Variants in ELN observed in about 807,000 individuals in gnomAD.
The protein encoded by ELN is tropoelastin.
Under a neutral mutation model 105.8 loss-of-function variants are expected in ELN, and 65 were observed. That is an observed-to-expected ratio of 0.61 (90% CI 0.50 to 0.75). The LOEUF (loss-of-function observed/expected upper bound fraction) is 0.75, where lower values mean the gene tolerates loss of function less well. ELN is among the 30% of genes least tolerant of loss of function. The probability of loss-of-function intolerance (pLI) is 0.00; values close to 1 mark genes in which losing one functional copy is unlikely to be tolerated. For synonymous variants in ELN, 368 were observed against 389.2 expected, an observed-to-expected ratio of 0.95 and a Z score of 0.64; for missense variants, 882 against 969.4, an observed-to-expected ratio of 0.91 and a Z score of 1.20.
chr7:74,061,512 T>C (rs1196991940), intron 26 of ELN, among the ~76,000 whole-genome samples: 3 of 149,446 alleles, frequency 2.0e-5, no homozygotes, highest in South Asian at 2.1e-4. Context: ...ATTAGCCAGG[T>C]GTGGTGGCGG....
In ELN at chr7:74,056,296, A is replaced by AGG. The variant is rs1554679591; in HGVS notation, c.1177_1178dup (p.Ile394AlafsTer81). 1 of 1,612,444 alleles carries AGG rather than the reference A, an allele frequency of 6.2e-7. No homozygotes were observed. The highest frequency in any genetic ancestry group is 8.5e-7 in the Non-Finnish European group (1 of 1,178,820). ...GGGCCAGGCCCGGAGTCGGAGTTGG[A>AGG]GGCATTCCTACTTACGGGGTTGGAG... On this transcript the variant is annotated frameshift_variant, in exon 20 of 33. Coordinates refer to ENST00000252034, the MANE Select transcript of ELN (RefSeq NM_000501.4). LOFTEE classifies it high-confidence loss of function.
chr7:74,062,613 C>T (rs563768939), intron 26 of ELN, among the ~76,000 whole-genome samples: 48 of 152,160 alleles, frequency 3.2e-4, no homozygotes, highest in African/African-American at 6.0e-4. Context: ...TGCAGTGGTA[C>T]GATCTTGGCT....
intron 25 of ELN, 143 bp downstream of exon 25, chr7:74,060,644 G>A (rs781969220): frequency 2.6e-6 from 4 of 1,551,874 alleles, no homozygotes; most frequent in Non-Finnish European, 3.5e-6. Flanking sequence ...GCATCTGGGG[G>A]TAACAGATAG....
chr7:74,035,449 T>C (rs1789691467), intron 2 of ELN, 35 bp downstream of exon 2: 1 of 1,612,426 alleles, frequency 6.2e-7, no homozygotes, highest in African/African-American at 1.3e-5. Flanking sequence ...ACCCAGGTCA[T>C]GCGGATGATG....
At position 74,046,884 on chromosome 7, in the gene ELN, G is replaced by T. The variant is rs375057215; in HGVS notation, c.643+117G>T. ...AGATCACTTGAGGTCAGGAGTTCAA[G>T]ACTAGCCTGGCCAACATGGCAAAAC... On this transcript the variant is annotated intron_variant, in intron 12 of 32. Transcript: ENST00000252034. The T allele has an allele frequency of 9.6e-5, 114 of 1,187,848 alleles. No homozygotes were observed. In the East Asian group the frequency reaches 2.0e-3, roughly 21 times the overall value. 73.6% of individuals were successfully genotyped at this position (1,187,848 alleles called of 1,614,324 possible).
chr7:74,053,402 C>G, intron 18 of ELN, 93 bp downstream of exon 18: 8 of 1,547,534 alleles, frequency 5.2e-6, no homozygotes, highest in Non-Finnish European at 6.1e-6. Context: ...TTTTTGCATT[C>G]TCCCTAACAC....
At chr7:74,057,556 C>G (rs1795556261) in intron 21 of ELN, 84 bp from the exon 22 acceptor site, 1 of 1,604,648 alleles carries the variant, frequency 6.2e-7, no homozygotes. Flanking sequence ...CACCATTTTA[C>G]AAATGGGAAG....
chr7:74,060,965 G>C, intron 25 of ELN, 136 bp from the exon 26 acceptor site: 1 of 1,064,882 alleles, frequency 9.4e-7, no homozygotes, highest in Non-Finnish European at 1.5e-6. Context: ...CTAAAGCTCT[G>C]TGCCTGTACA....
In ELN at chr7:74,046,681, T is replaced by C. The variant is rs1554672416; in HGVS notation, c.572-15T>C. On this transcript the variant is annotated splice_polypyrimidine_tract_variant and intron_variant, in intron 11 of 32. Coordinates refer to ENST00000252034, the MANE Select transcript of ELN (RefSeq NM_000501.4). ...GGGGTGCTGGGACCTGAACTTGCTC[T>C]CTTTATTCCCACAGGAGTTGGACCC... The C allele has an allele frequency of 1.9e-6, 3 of 1,614,158 alleles. No individual in the cohort carries two copies. Among genetic ancestry groups the C allele is most frequent in the Non-Finnish European group, 2.5e-6 (3 of 1,179,990 alleles).
intron 2 of ELN, among the ~76,000 whole-genome samples, chr7:74,036,066 G>T (rs773516085): frequency 6.6e-6 from 1 of 151,988 alleles, no homozygotes; most frequent in Admixed American, 6.6e-5. Context: ...TGAGGCAGGC[G>T]GATCACAAGG....
rs782233931 is a variant in ELN at position 74,051,999 on chromosome 7, G to A, written c.949+16G>A. On this transcript the variant is annotated intron_variant, in intron 17 of 32. Transcript: ENST00000252034. ...GCCAAGTATGGTGAGTGCCTCCCGG[G>A]GTGGCAAGTCCACGGCTCGGGCCCC... is the stretch of plus-strand genomic sequence containing the variant. The A allele has an allele frequency of 3.1e-6, 5 of 1,612,534 alleles. No individual in the cohort carries two copies. Among genetic ancestry groups the A allele is most frequent in the South Asian group, 1.1e-5 (1 of 90,896 alleles).
chr7:74,045,212 C>A lies in ELN; in HGVS notation c.470-10C>A, dbSNP rs200663056. 6.2e-7 allele frequency: 1 copy of A among 1,613,912 alleles called. No individual in the cohort carries two copies. The highest frequency in any genetic ancestry group is 8.5e-7 in the Non-Finnish European group (1 of 1,180,020). ...TGCCTTCCTACACTCACTGCTTTGT[C>A]CCCCGGCAGGAGCTCGGTTCCCCGG... On this transcript the variant is annotated splice_polypyrimidine_tract_variant and intron_variant, in intron 9 of 32. Transcript: ENST00000252034.
chr7:74,066,660 C>T, intron 31 of ELN, 72 bp from the exon 32 acceptor site: 4 of 1,505,542 alleles, frequency 2.7e-6, no homozygotes, highest in Non-Finnish European at 3.7e-6. Flanking sequence ...TGAGCCAGTG[C>T]AGGCAGAAAG....
At chr7:74,044,234 C>T (rs1389819951) in intron 9 of ELN, among the ~76,000 whole-genome samples, 1 of 152,094 alleles carries the variant, frequency 6.6e-6, no homozygotes, top group East Asian at 1.9e-4. Flanking sequence ...GAGCAAGACC[C>T]TGTCTCAAAA....
At chr7:74,064,224 G>C (rs1797398450) in intron 29 of ELN, among the ~76,000 whole-genome samples, 2 of 151,120 alleles carry the variant, frequency 1.3e-5, no homozygotes, top group Admixed American at 1.3e-4. Context: ...GACCATCCTG[G>C]CTAACACAGT....
At chr7:74,062,089 ACC>A (rs1351774073) in intron 26 of ELN, 1 of 152,358 alleles carries the variant, frequency 6.6e-6, no homozygotes, top group Non-Finnish European at 1.5e-5. Flanking sequence ...GCCTGGCCAG[ACC>A]CACGCTGTCT....
chr7:74,044,247 A>C (rs996165398), intron 9 of ELN, among the ~76,000 whole-genome samples: 3 of 149,782 alleles, frequency 2.0e-5, no homozygotes, highest in Non-Finnish European at 4.5e-5. Context: ...TCTCAAAACA[A>C]AGAAAAAGAA....
intron 13 of ELN, 143 bp from the exon 14 acceptor site, chr7:74,047,999 G>A: frequency 9.8e-7 from 1 of 1,022,068 alleles, no homozygotes; most frequent in South Asian, 1.3e-5. Flanking sequence ...CTCCATACAT[G>A]TGTTTGTATT....
At chr7:74,034,260 G>A (rs1301539097) in intron 1 of ELN, among the ~76,000 whole-genome samples, 1 of 152,160 alleles carries the variant, frequency 6.6e-6, no homozygotes, top group Non-Finnish European at 1.5e-5. Context: ...GCTCGCTGTA[G>A]CAGCCCAGCC....
Sources: allele counts gnomAD v4.1 joint callset (sites outside exome capture counted in the v4.1 genomes callset), GRCh38; gene constraint gnomAD v4.1.1; transcripts MANE v1.5; gene names NCBI Gene and HGNC (gene_info 2026-07-23, HGNC 2026-07-21).